The following ZBTB25 variants were observed in gnomAD, a reference collection of about 807,000 sequenced individuals.
The protein encoded by ZBTB25 is zinc finger and BTB domain containing 25.
Under a neutral mutation model 34.2 loss-of-function variants are expected in ZBTB25, and 20 were observed. That is an observed-to-expected ratio of 0.58 (90% confidence interval 0.41 to 0.85). The LOEUF is 0.85. Among genes scored for constraint, ZBTB25 ranks in the 40% least tolerant of loss-of-function variants. ZBTB25 has a pLI of 0.00. For synonymous variants in ZBTB25, 175 were observed against 186.4 expected (o/e 0.94, Z 0.50); for missense variants, 437 against 521.8 (o/e 0.84, Z 1.58).
In ZBTB25 at chr14:64,486,233, C is replaced by G. The variant is rs1482170925; in HGVS notation, c.*690G>C. 1 of 901,150 alleles carries G rather than the reference C, an allele frequency of 1.1e-6. No individual in the cohort carries two copies. The highest frequency in any genetic ancestry group is 1.3e-6 in the Non-Finnish European group (1 of 753,774). 55.8% of individuals were successfully genotyped at this position (901,150 alleles called of 1,614,324 possible). On this transcript the variant is annotated 3_prime_UTR_variant, in exon 3 of 3. Transcript: ENST00000608382. ...AGGAGAATGGCGTGAACCCGGGAGG[C>G]GGAGCTTGCAGTCAGCCGAGATCGC...
chr14:64,503,239 G>C, intron 1 of ZBTB25: 1 of 985,462 alleles, frequency 1.0e-6, no homozygotes, highest in South Asian at 4.7e-5. Context: ...GCTGGGAGTG[G>C]AAACAGTAGC....
chr14:64,488,162 G>A (rs550201233), intron 2 of ZBTB25, 105 bp from the exon 3 acceptor site: 46 of 1,464,022 alleles, frequency 3.1e-5, no homozygotes, highest in East Asian at 1.2e-4. Flanking sequence ...TAAGAAGTTC[G>A]AACCTAGCAA....
Position 64,478,933 on chromosome 14 carries a change from T to C in ZBTB25, c.*7990A>G, listed in dbSNP as rs779130212. ...ATCTCAATTTCATGAAGAGACCTCT[T>C]TGGGGAGACAATTATTTAGTTCAAA... On this transcript the variant is annotated 3_prime_UTR_variant, in exon 3 of 3. Coordinates refer to ENST00000608382, the MANE Select transcript of ZBTB25 (RefSeq NM_006977.5). 3 of 152,220 alleles carry C rather than the reference T, an allele frequency of 2.0e-5. No homozygotes were observed. Among genetic ancestry groups the C allele is most frequent in the Non-Finnish European group, 4.4e-5 (3 of 68,026 alleles). 9.4% of individuals were successfully genotyped at this position (152,220 alleles called of 1,614,324 possible). A position where few individuals can be genotyped will look rare whatever the true frequency, so the allele number is the denominator to read the frequency against.
At chr14:64,467,365 C>A (rs1245732678) in intron 2 of ZBTB25, 2 of 152,178 alleles carry the variant, frequency 1.3e-5, no homozygotes, top group African/African-American at 4.8e-5. Flanking sequence ...AAGAATTGCT[C>A]AATAAATGTC....
chr14:64,468,875 T>C, intron 2 of ZBTB25: 1 of 1,614,092 alleles, frequency 6.2e-7, no homozygotes. Flanking sequence ...AGCTGAAATT[T>C]TGGATATACA....
At position 64,486,744 on chromosome 14, in the gene ZBTB25, T is replaced by C; in HGVS notation, c.*179A>G. On this transcript the variant is annotated 3_prime_UTR_variant, in exon 3 of 3. Coordinates refer to ENST00000608382, the MANE Select transcript of ZBTB25 (RefSeq NM_006977.5). Reference sequence around the variant, plus strand: ...ACAGTAGTAATTGAATGTTACATTTTAATAGCCACATATTAATATGTCTTA... The same window carrying C: ...ACAGTAGTAATTGAATGTTACATTTCAATAGCCACATATTAATATGTCTTA... The C allele has an allele frequency of 7.9e-7, 1 of 1,266,454 alleles. No homozygotes were observed. The highest frequency in any genetic ancestry group is 1.0e-6 in the Non-Finnish European group (1 of 1,003,676). The allele number at this position is 1,266,454 out of a possible 1,614,324, so 78.5% of individuals were successfully genotyped here.
chr14:64,459,659 G>T, intron 2 of ZBTB25: 1 of 1,018,162 alleles, frequency 9.8e-7, no homozygotes, highest in Non-Finnish European at 1.4e-6. Context: ...AATGTTAACA[G>T]CTTTGGCAAT....
intron 1 of ZBTB25, among the ~76,000 whole-genome samples, chr14:64,492,479 C>A (rs1339577956): frequency 6.6e-6 from 1 of 151,958 alleles, no homozygotes; most frequent in Non-Finnish European, 1.5e-5. Flanking sequence ...AGGCATGAGC[C>A]ACCGTGCCCG....
chr14:64,486,994 G>A lies in ZBTB25; in HGVS notation c.1237C>T (p.His413Tyr). The A allele has an allele frequency of 3.1e-6, 5 of 1,614,162 alleles. No homozygotes were observed. The highest frequency in any genetic ancestry group is 3.4e-6 in the Non-Finnish European group (4 of 1,180,030). The change falls in exon 3 of 3, where the codon CAC becomes TAC. Residue 413 changes from histidine to tyrosine, a missense_variant. Coordinates refer to ENST00000608382, the MANE Select transcript of ZBTB25 (RefSeq NM_006977.5). ...SLKSSRLSQE[H>Y]LDLPCALESE... The stretch of plus-strand genomic sequence containing the variant: ...TCTAAGGCACAAGGCAAGTCTAAGT[G>A]TTCTTGTGACAAGCGAGAACTTTTC...
chr14:64,500,644 A>G (rs982917780), intron 1 of ZBTB25, among the ~76,000 whole-genome samples: 2 of 152,014 alleles, frequency 1.3e-5, no homozygotes, highest in Admixed American at 1.3e-4. Context: ...AAAATACAAA[A>G]ATTAGTTGGG....
intron 2 of ZBTB25, chr14:64,461,016 ACT>A (rs2078548508): frequency 6.6e-6 from 1 of 151,766 alleles, no homozygotes; most frequent in African/African-American, 2.4e-5. Context: ...ACAGAGCTAG[ACT>A]CTGTCTAAAA....
At position 64,485,597 on chromosome 14, in the gene ZBTB25, ACAT is replaced by A. The variant is rs1190983641; in HGVS notation, c.*1323_*1325del. ...AAGTTGATTTATAGAGGAAAAGCTAACATCATGGATCTTAAATGTAGTTATAGA... is the reference window on the plus strand; with the variant it reads ...AAGTTGATTTATAGAGGAAAAGCTAACATGGATCTTAAATGTAGTTATAGA... On this transcript the variant is annotated 3_prime_UTR_variant, in exon 3 of 3. Transcript: ENST00000608382. 8 of 985,258 alleles carry A rather than the reference ACAT, an allele frequency of 8.1e-6. No homozygotes were observed. Among genetic ancestry groups the A allele is most frequent in the Non-Finnish European group, 9.6e-6 (8 of 829,890 alleles). 61.0% of individuals were successfully genotyped at this position (985,258 alleles called of 1,614,324 possible). A position where few individuals can be genotyped will look rare whatever the true frequency, so the allele number is the denominator to read the frequency against.
In ZBTB25 at chr14:64,486,437, C is replaced by A. The variant is rs2078864617; in HGVS notation, c.*486G>T. ...TAAAATAAATTTTTATACATTATAA[C>A]ATATGTATAACATACAGTTATGCAT... On this transcript the variant is annotated 3_prime_UTR_variant, in exon 3 of 3. Coordinates refer to ENST00000608382, the MANE Select transcript of ZBTB25 (RefSeq NM_006977.5). 3 of 964,234 alleles carry A rather than the reference C, an allele frequency of 3.1e-6. No individual in the cohort carries two copies. The highest frequency in any genetic ancestry group is 3.7e-6 in the Non-Finnish European group (3 of 810,506). 59.7% of individuals were successfully genotyped at this position (964,234 alleles called of 1,614,324 possible).
chr14:64,485,563 AAG>A lies in ZBTB25; in HGVS notation c.*1358_*1359del. 2.0e-6 allele frequency: 2 copies of A among 985,374 alleles called. No homozygotes were observed. The highest frequency in any genetic ancestry group is 4.7e-5 in the South Asian group (1 of 21,286). The allele number at this position is 985,374 out of a possible 1,614,324, so 61.0% of individuals were successfully genotyped here. The stretch of plus-strand genomic sequence containing the variant: ...AGCTTTGTAAGTGTCACCATTATAA[AAG>A]AGAGTTAAGTTGATTTATAGAGGAA... On this transcript the variant is annotated 3_prime_UTR_variant, in exon 3 of 3. Transcript: ENST00000608382.
chr14:64,492,731 T>C (rs1363870344), intron 1 of ZBTB25, among the ~76,000 whole-genome samples: 3 of 152,114 alleles, frequency 2.0e-5, no homozygotes, highest in South Asian at 2.1e-4. Flanking sequence ...AGGAATCTTA[T>C]GGTTAATGGT....
intron 1 of ZBTB25, among the ~76,000 whole-genome samples, chr14:64,497,073 A>G (rs1196240747): frequency 6.6e-6 from 1 of 152,206 alleles, no homozygotes; most frequent in Admixed American, 6.5e-5. Context: ...AGAACTTTCA[A>G]CATTTACACT....
rs1358589638 is a variant in ZBTB25, at chr14:64,480,524, A to G, written c.*6399T>C. On this transcript the variant is annotated 3_prime_UTR_variant, in exon 3 of 3. Coordinates refer to ENST00000608382, the MANE Select transcript of ZBTB25 (RefSeq NM_006977.5). ...ACACCTCCAAAATGTTACCCAGTACAAAGACTACTTGCCTCAACACTAGGA... is the reference window on the plus strand; with the variant it reads ...ACACCTCCAAAATGTTACCCAGTACGAAGACTACTTGCCTCAACACTAGGA... 3.8e-6 allele frequency: 1 copy of G among 262,430 alleles called. No individual in the cohort carries two copies. The highest frequency in any genetic ancestry group is 7.7e-6 in the Non-Finnish European group (1 of 129,636). The allele number at this position is 262,430 out of a possible 1,614,324, so 16.3% of individuals were successfully genotyped here.
At chr14:64,501,030 G>C (rs2140027508) in intron 1 of ZBTB25, among the ~76,000 whole-genome samples, 1 of 152,286 alleles carries the variant, frequency 6.6e-6, no homozygotes, top group African/African-American at 2.4e-5. Flanking sequence ...CAGCCTGGGT[G>C]ACAGAGGTAG....
At position 64,490,527 on chromosome 14, in the gene ZBTB25, T is replaced by C. The variant is rs1596626485; in HGVS notation, c.7A>G (p.Thr3Ala). The part of the protein sequence containing the change: MD[T>A]ASHSLVLLQQ... Reference sequence around the variant, plus strand: ...AGAAGAACAAGGCTATGGCTGGCAGTGTCCATTGTGGTTCTGAAAAAAAGG... The same window carrying C: ...AGAAGAACAAGGCTATGGCTGGCAGCGTCCATTGTGGTTCTGAAAAAAAGG... The change falls in exon 2 of 3, where the codon ACT becomes GCT. Residue 3 changes from threonine (T) to alanine (A), a missense_variant. Transcript: ENST00000608382. 6.2e-7 allele frequency: 1 copy of C among 1,610,794 alleles called. No homozygotes were observed. Among genetic ancestry groups the C allele is most frequent in the Non-Finnish European group, 8.5e-7 (1 of 1,178,090 alleles).
Sources: gnomAD v4.1 joint callset for allele counts (sites outside exome capture counted in the v4.1 genomes callset) on GRCh38, gnomAD v4.1.1 for gene constraint, MANE v1.5 for transcripts, NCBI Gene and HGNC (gene_info 2026-07-23, HGNC 2026-07-21) for gene names.